Variants in TSPAN18 observed in about 807,000 individuals in gnomAD.
TSPAN18 encodes tetraspanin 18.
Under a neutral mutation model 27.3 loss-of-function variants are expected in TSPAN18, and 14 were observed. That is an observed-to-expected ratio of 0.51 (90% CI 0.34 to 0.80). The LOEUF (loss-of-function observed/expected upper bound fraction) is 0.80. TSPAN18 is among the 30% of genes least tolerant of loss of function. TSPAN18 has a pLI of 0.01. For synonymous variants in TSPAN18, 143 were observed against 136.5 expected (o/e 1.05, Z -0.33); for missense variants, 268 against 323.9 (o/e 0.83, Z 1.32).
At chr11:44,848,873 T>G (rs61565559) in intron 2 of TSPAN18, among the ~76,000 whole-genome samples, 4,389 of 152,260 alleles carry the variant, frequency 0.029, 212 homozygotes, top group African/African-American at 0.098. Flanking sequence ...GCCCTGTCTC[T>G]TCAGCTGTAC....
rs1281171042 is a variant in TSPAN18, at chr11:44,727,091, C to CCCCGGT, written c.-431_-430insTCCCGG. 3.0e-3 allele frequency: 19 copies of CCCCGGT among 6,410 alleles called. No homozygotes were observed. Among genetic ancestry groups the CCCCGGT allele is most frequent in the African/African-American group, 4.3e-3 (19 of 4,438 alleles). The allele number at this position is 6,410 out of a possible 1,614,324, so 0.4% of individuals were successfully genotyped here. ...GCCCCAGCCCCGGCCCCGGCCCCGG[C>CCCCGGT]CCCGGCCCCGGCCCCGGTCCCGGCC... On this transcript the variant is annotated 5_prime_UTR_variant, in exon 1 of 10. Transcript: ENST00000520358.
chr11:44,862,969 A>G (rs1857937335), intron 3 of TSPAN18, among the ~76,000 whole-genome samples: 1 of 152,196 alleles, frequency 6.6e-6, no homozygotes, highest in South Asian at 2.1e-4. Flanking sequence ...AACGAATCAT[A>G]CAAGCTCCAC....
chr11:44,864,122 A>G (rs1332261588), intron 3 of TSPAN18, among the ~76,000 whole-genome samples: 1 of 151,924 alleles, frequency 6.6e-6, no homozygotes, highest in East Asian at 1.9e-4. Context: ...CCCCGTCTCT[A>G]CTAAAAATAC....
chr11:44,869,151 T>G (rs967196724), intron 3 of TSPAN18, among the ~76,000 whole-genome samples: 6 of 152,368 alleles, frequency 3.9e-5, no homozygotes. Context: ...ATGTGTGGCC[T>G]TGCAGACTGG....
At position 44,918,823 on chromosome 11, in the gene TSPAN18, G is replaced by A. The variant is rs960537010; in HGVS notation, c.334-391G>A. Among the ~76,000 whole-genome samples, 18 of 151,818 alleles carry A rather than the reference G, an allele frequency of 1.2e-4. No homozygotes were observed. In the South Asian group the frequency reaches 1.3e-3, roughly 11 times the overall value. The stretch of plus-strand genomic sequence containing the variant: ...ACTGATGTACAAAGACTTCCTGCCC[G>A]GTCCTGTAGCTTCTTCAGGCCCTGG... On this transcript the variant is annotated intron_variant, in intron 6 of 9. Coordinates refer to ENST00000520358, the MANE Select transcript of TSPAN18 (RefSeq NM_130783.5).
intron 3 of TSPAN18, among the ~76,000 whole-genome samples, chr11:44,876,657 C>T (rs1858341637): frequency 6.6e-6 from 1 of 152,174 alleles, no homozygotes; most frequent in African/African-American, 2.4e-5. Context: ...TGGTGGGTGG[C>T]TCTTTTACAA....
chr11:44,790,030 T>C (rs1856154746), intron 2 of TSPAN18, among the ~76,000 whole-genome samples: 1 of 152,198 alleles, frequency 6.6e-6, no homozygotes, highest in Admixed American at 6.5e-5. Context: ...GGTGTCCTCA[T>C]ACTGTCCCTG....
chr11:44,809,617 G>T (rs1012795192), intron 2 of TSPAN18, among the ~76,000 whole-genome samples: 3 of 148,158 alleles, frequency 2.0e-5, no homozygotes, highest in Non-Finnish European at 4.6e-5. Context: ...TCTTGAGGGG[G>T]TGGGTGCTTG....
At chr11:44,768,972 C>T (rs1217070559) in intron 2 of TSPAN18, among the ~76,000 whole-genome samples, 1 of 147,346 alleles carries the variant, frequency 6.8e-6, no homozygotes, top group African/African-American at 2.5e-5. Context: ...TTTCTGGTCA[C>T]TGCAACCTCC....
At chr11:44,787,283 G>C (rs1051487973) in intron 2 of TSPAN18, among the ~76,000 whole-genome samples, 5 of 152,170 alleles carry the variant, frequency 3.3e-5, no homozygotes, top group Non-Finnish European at 7.3e-5. Context: ...TTACAGATAA[G>C]GAAACTGAGG....
intron 2 of TSPAN18, among the ~76,000 whole-genome samples, chr11:44,850,126 C>CA (rs1395870643): frequency 6.6e-6 from 1 of 152,192 alleles, no homozygotes; most frequent in Admixed American, 6.5e-5. Context: ...AAATGAGAAA[C>CA]ACAGCTGAAG....
At chr11:44,844,759 A>G (rs908820751) in intron 2 of TSPAN18, among the ~76,000 whole-genome samples, 6 of 152,176 alleles carry the variant, frequency 3.9e-5, no homozygotes, top group African/African-American at 1.4e-4. Flanking sequence ...AAGTGTTGCA[A>G]ATACTTTTCC....
intron 6 of TSPAN18, 64 bp from the exon 7 acceptor site, chr11:44,919,150 C>G: frequency 7.7e-7 from 1 of 1,302,132 alleles, no homozygotes; most frequent in Non-Finnish European, 1.1e-6. Flanking sequence ...GATGGAGAGA[C>G]GATGGAGGGT....
intron 2 of TSPAN18, among the ~76,000 whole-genome samples, chr11:44,796,084 C>A (rs1484413560): frequency 6.6e-6 from 1 of 152,132 alleles, no homozygotes; most frequent in Non-Finnish European, 1.5e-5. Flanking sequence ...CACTCATTTG[C>A]CCCAGTGTTC....
rs548757483 is a variant in TSPAN18 at position 44,906,627 on chromosome 11, G to A, written c.63+148G>A. On this transcript the variant is annotated intron_variant, in intron 4 of 9. Coordinates refer to ENST00000520358, the MANE Select transcript of TSPAN18 (RefSeq NM_130783.5). The stretch of plus-strand genomic sequence containing the variant: ...ACCTGCCAGCCAGGCTTTCATGGAA[G>A]GGGGCCCCCAGCAGTGCCCACCCCA... 1.3e-4 allele frequency: 101 copies of A among 769,690 alleles called. No homozygotes were observed. In the African/African-American group the frequency reaches 1.5e-3, roughly 11 times the overall value. The allele number at this position is 769,690 out of a possible 1,614,324, so 47.7% of individuals were successfully genotyped here. A position where few individuals can be genotyped will look rare whatever the true frequency, so the allele number is the denominator to read the frequency against.
chr11:44,801,800 G>A (rs527957742), intron 2 of TSPAN18, among the ~76,000 whole-genome samples: 1 of 152,272 alleles, frequency 6.6e-6, no homozygotes, highest in African/African-American at 2.4e-5. Flanking sequence ...GGGACTCCGA[G>A]GTGGGAGGAT....
intron 5 of TSPAN18, among the ~76,000 whole-genome samples, chr11:44,915,334 G>A (rs1859865965): frequency 6.6e-6 from 1 of 152,186 alleles, no homozygotes; most frequent in Admixed American, 6.5e-5. Flanking sequence ...GGCTGCAGAG[G>A]CAGAAAACAC....
chr11:44,833,767 A>G (rs1253133296), intron 2 of TSPAN18, among the ~76,000 whole-genome samples: 2 of 151,960 alleles, frequency 1.3e-5, no homozygotes, highest in Non-Finnish European at 2.9e-5. Context: ...GGTCTGATAG[A>G]CACCCCACCT....
chr11:44,743,890 G>A (rs1413432407), intron 1 of TSPAN18, among the ~76,000 whole-genome samples: 1 of 152,212 alleles, frequency 6.6e-6, no homozygotes, highest in Non-Finnish European at 1.5e-5. Context: ...CCGGTTTGGG[G>A]TACATTTTGC....
Sources: allele counts gnomAD v4.1 joint callset (sites outside exome capture counted in the v4.1 genomes callset), GRCh38; gene constraint gnomAD v4.1.1; transcripts MANE v1.5; gene names NCBI Gene and HGNC (gene_info 2026-07-23, HGNC 2026-07-21).